CADM2: variants seen among roughly 807,000 people sequenced by gnomAD.
The protein encoded by CADM2 is immunoglobulin superfamily member 4D.
In CADM2, 12 loss-of-function variants were observed where a neutral mutation model predicts 49.8. That is an observed-to-expected ratio of 0.24 (90% confidence interval 0.15 to 0.39). The LOEUF is 0.39. Ranked by LOEUF, CADM2 falls within the 10% of genes least tolerant of loss-of-function variation. CADM2 has a pLI of 1.00. For synonymous variants in CADM2, 214 were observed against 175.4 expected (o/e 1.22, Z -1.74); for missense variants, 378 against 492.3 (o/e 0.77, Z 2.20).
At chr3:85,585,802 A>C (rs567801849) in intron 1 of CADM2, among the ~76,000 whole-genome samples, 1 of 151,978 alleles carries the variant, frequency 6.6e-6, no homozygotes, top group Admixed American at 6.6e-5. Context: ...ATGTTACGTA[A>C]GTTGTTTTAG....
At chr3:85,855,650 G>A (rs1217700676) in intron 3 of CADM2, among the ~76,000 whole-genome samples, 1 of 122,914 alleles carries the variant, frequency 8.1e-6, no homozygotes, top group African/African-American at 2.9e-5. Flanking sequence ...ATTTTGAGAC[G>A]GAGTTTCGCA....
intron 8 of CADM2, among the ~76,000 whole-genome samples, chr3:86,040,196 A>G (rs548289324): frequency 1.3e-5 from 2 of 152,302 alleles, no homozygotes; most frequent in African/African-American, 2.4e-5. Context: ...CCAAAGGAAC[A>G]CACCTCCTCA....
chr3:85,699,949 T>G (rs963547034), intron 1 of CADM2, among the ~76,000 whole-genome samples: 1 of 152,182 alleles, frequency 6.6e-6, no homozygotes, highest in African/African-American at 2.4e-5. Flanking sequence ...CTAGTTTTAC[T>G]AGAAATACCA....
At chr3:84,962,790 G>GT (rs573044039) in intron 1 of CADM2, among the ~76,000 whole-genome samples, 295 of 152,026 alleles carry the variant, frequency 1.9e-3, no homozygotes, top group Non-Finnish European at 3.6e-3. Context: ...CTTTCTTTCA[G>GT]TATCATTATT....
chr3:85,813,307 T>C (rs1284709291), intron 3 of CADM2, among the ~76,000 whole-genome samples: 1 of 152,238 alleles, frequency 6.6e-6, no homozygotes, highest in South Asian at 2.1e-4. Context: ...CCAGTGATGA[T>C]AAGCTTTTTT....
intron 2 of CADM2, among the ~76,000 whole-genome samples, chr3:85,734,361 A>G (rs907977534): frequency 1.3e-5 from 2 of 151,888 alleles, no homozygotes; most frequent in African/African-American, 4.8e-5. Context: ...TTCCTAAGAG[A>G]TATTTCCAAA....
At chr3:85,134,135 G>C (rs2039336442) in intron 1 of CADM2, among the ~76,000 whole-genome samples, 1 of 152,212 alleles carries the variant, frequency 6.6e-6, no homozygotes, top group African/African-American at 2.4e-5. Flanking sequence ...GGGGCCCGCA[G>C]GGCCGGCCGG....
At chr3:85,235,870 T>C (rs1400581815) in intron 1 of CADM2, among the ~76,000 whole-genome samples, 1 of 152,146 alleles carries the variant, frequency 6.6e-6, no homozygotes, top group African/African-American at 2.4e-5. Context: ...TTTTTAAAAG[T>C]CAATCCTGTA....
intron 1 of CADM2, among the ~76,000 whole-genome samples, chr3:85,079,565 T>C (rs940261558): frequency 6.6e-6 from 1 of 151,798 alleles, no homozygotes; most frequent in African/African-American, 2.4e-5. Flanking sequence ...AGAAACATAG[T>C]GTTAGGAGTA....
intron 1 of CADM2, among the ~76,000 whole-genome samples, chr3:85,476,455 G>T (rs142099257): frequency 2.0e-5 from 3 of 151,870 alleles, no homozygotes; most frequent in Admixed American, 6.6e-5. Context: ...TAGCAGAGTG[G>T]CAAAGAAGAA....
intron 1 of CADM2, among the ~76,000 whole-genome samples, chr3:85,240,292 GA>G (rs968115830): frequency 8.6e-5 from 13 of 151,432 alleles, no homozygotes; most frequent in Non-Finnish European, 1.8e-4. Flanking sequence ...TTTTTAGCAT[GA>G]AAAGAGCTAT....
chr3:85,873,043 C>T (rs1308842133), intron 3 of CADM2, among the ~76,000 whole-genome samples: 1 of 152,100 alleles, frequency 6.6e-6, no homozygotes, highest in Non-Finnish European at 1.5e-5. Flanking sequence ...TGGCATCTGG[C>T]AAGGGTCTTT....
intron 1 of CADM2, among the ~76,000 whole-genome samples, chr3:85,655,310 G>A (rs554035380): frequency 2.0e-5 from 3 of 151,968 alleles, no homozygotes; most frequent in East Asian, 3.9e-4. Context: ...CCAGGCATCC[G>A]CCACCACGCC....
intron 1 of CADM2, among the ~76,000 whole-genome samples, chr3:85,460,733 G>GGTGTGTGTGTGTGTGT (rs57401290): frequency 6.7e-6 from 1 of 149,068 alleles, no homozygotes; most frequent in Non-Finnish European, 1.5e-5. Context: ...TGGGAGATGT[G>GGTGTGTGTGTGTGTGT]GTGTGTGTGT....
intron 1 of CADM2, among the ~76,000 whole-genome samples, chr3:85,211,238 A>T (rs2041769846): frequency 6.6e-6 from 1 of 151,984 alleles, no homozygotes; most frequent in African/African-American, 2.4e-5. Flanking sequence ...TTTTCTAAAA[A>T]CCAGCCTTTT....
chr3:85,871,289 C>T (rs2075916982), intron 3 of CADM2, among the ~76,000 whole-genome samples: 1 of 152,136 alleles, frequency 6.6e-6, no homozygotes, highest in African/African-American at 2.4e-5. Flanking sequence ...TGCTCAACAT[C>T]ACTAATCATT....
intron 3 of CADM2, among the ~76,000 whole-genome samples, chr3:85,879,494 A>G (rs1402086464): frequency 6.6e-6 from 1 of 152,150 alleles, no homozygotes; most frequent in Non-Finnish European, 1.5e-5. Context: ...CAAAGGCTAT[A>G]TATTTTATAA....
At chr3:85,933,200 C>G (rs1223728662) in intron 6 of CADM2, among the ~76,000 whole-genome samples, 1 of 152,006 alleles carries the variant, frequency 6.6e-6, no homozygotes, top group Non-Finnish European at 1.5e-5. Context: ...GGAAATAACA[C>G]CTCCTCACCA....
intron 3 of CADM2, among the ~76,000 whole-genome samples, chr3:85,840,664 A>G (rs2108262305): frequency 6.6e-6 from 1 of 151,986 alleles, no homozygotes; most frequent in East Asian, 1.9e-4. Flanking sequence ...TGTGTTAGTG[A>G]ACCCAACTGT....
Sources: gnomAD v4.1 joint callset for allele counts (sites outside exome capture counted in the v4.1 genomes callset) on GRCh38, gnomAD v4.1.1 for gene constraint, MANE v1.5 for transcripts, NCBI Gene and HGNC (gene_info 2026-07-23, HGNC 2026-07-21) for gene names.